The following PPFIA2 variants were observed in gnomAD, a reference collection of about 807,000 sequenced individuals.
PPFIA2 encodes the protein liprin-alpha-2.
PPFIA2 carries 46 observed loss-of-function variants against 175.5 expected under a neutral mutation model. The ratio of observed to expected loss-of-function variants is 0.26; its 90% CI spans 0.21 to 0.34. The LOEUF is 0.34. PPFIA2 is among the 10% of genes least tolerant of loss of function. The pLI, the probability that PPFIA2 is intolerant of heterozygous loss-of-function variation, is 1.00. For synonymous variants in PPFIA2, 568 were observed against 511.4 expected (o/e 1.11, Z -1.49); for missense variants, 1,179 against 1,506.1 (o/e 0.78, Z 3.60).
At chr12:81,491,623 G>A (rs2059428847) in intron 4 of PPFIA2, among the ~76,000 whole-genome samples, 1 of 151,822 alleles carries the variant, frequency 6.6e-6, no homozygotes, top group Non-Finnish European at 1.5e-5. Context: ...TGTGCCACGT[G>A]AGGATACAAT....
At chr12:81,444,105 C>T (rs1404822796) in intron 6 of PPFIA2, among the ~76,000 whole-genome samples, 3 of 151,846 alleles carry the variant, frequency 2.0e-5, no homozygotes, top group Non-Finnish European at 2.9e-5. Context: ...CCGCCCGCCT[C>T]GGCCTCCCAA....
At chr12:81,500,653 CA>C (rs1476396604) in intron 4 of PPFIA2, among the ~76,000 whole-genome samples, 3 of 152,122 alleles carry the variant, frequency 2.0e-5, no homozygotes, top group African/African-American at 7.2e-5. Flanking sequence ...TAAATTAATA[CA>C]ATCAGATTTT....
At chr12:81,741,559 T>C (rs2082326007) in intron 3 of PPFIA2, among the ~76,000 whole-genome samples, 1 of 152,082 alleles carries the variant, frequency 6.6e-6, no homozygotes, top group African/African-American at 2.4e-5. Flanking sequence ...AGGCCACAAG[T>C]GGCTCAGGAT....
intron 21 of PPFIA2, among the ~76,000 whole-genome samples, chr12:81,330,734 G>C (rs899848564): frequency 1.1e-4 from 17 of 152,184 alleles, no homozygotes; most frequent in Admixed American, 3.3e-4. Flanking sequence ...ATCTGCTGAT[G>C]ATTGGTGGCT....
chr12:81,471,819 CT>C (rs1372689189), intron 4 of PPFIA2, among the ~76,000 whole-genome samples: 16 of 152,136 alleles, frequency 1.1e-4, no homozygotes, highest in Non-Finnish European at 1.5e-4. Flanking sequence ...TTTTCTTTTG[CT>C]TTTCATTTTT....
At chr12:81,647,954 C>T (rs1255845494) in intron 4 of PPFIA2, among the ~76,000 whole-genome samples, 3 of 145,598 alleles carry the variant, frequency 2.1e-5, no homozygotes, top group Non-Finnish European at 4.5e-5. Flanking sequence ...GGCTTCTTGT[C>T]AGAAGCATTG....
intron 4 of PPFIA2, among the ~76,000 whole-genome samples, chr12:81,616,053 GA>G (rs1200836694): frequency 6.6e-6 from 1 of 152,146 alleles, no homozygotes; most frequent in Non-Finnish European, 1.5e-5. Context: ...GTGGTGATGG[GA>G]GTCTGTGCAC....
At chr12:81,526,313 G>A (rs945376566) in intron 4 of PPFIA2, among the ~76,000 whole-genome samples, 2 of 152,172 alleles carry the variant, frequency 1.3e-5, no homozygotes, top group Admixed American at 1.3e-4. Flanking sequence ...GATTGCTAAT[G>A]CAGGCCAATT....
intron 23 of PPFIA2, among the ~76,000 whole-genome samples, chr12:81,295,942 A>G (rs892694024): frequency 2.0e-5 from 3 of 152,048 alleles, no homozygotes; most frequent in African/African-American, 7.2e-5. Flanking sequence ...GTGAGCTGAG[A>G]TCAGGCCTTT....
intron 27 of PPFIA2, 91 bp from the exon 28 acceptor site, chr12:81,277,505 C>T (rs2040835535): frequency 8.0e-7 from 1 of 1,249,354 alleles, no homozygotes. Flanking sequence ...ACACTATGCA[C>T]TGCTTCTTAG....
At chr12:81,494,364 C>T (rs1427734933) in intron 4 of PPFIA2, among the ~76,000 whole-genome samples, 1 of 152,102 alleles carries the variant, frequency 6.6e-6, no homozygotes, top group Non-Finnish European at 1.5e-5. Context: ...CACTGGCCAT[C>T]AGAGAAATGC....
chr12:81,410,467 T>C (rs984298662), intron 7 of PPFIA2, among the ~76,000 whole-genome samples: 1 of 152,068 alleles, frequency 6.6e-6, no homozygotes, highest in African/African-American at 2.4e-5. Context: ...CTGGACAGAT[T>C]CATATGGAGG....
intron 4 of PPFIA2, among the ~76,000 whole-genome samples, chr12:81,481,540 A>G (rs2058227426): frequency 6.6e-6 from 1 of 152,198 alleles, no homozygotes; most frequent in Non-Finnish European, 1.5e-5. Flanking sequence ...GTACCAAAAA[A>G]AATACATAGA....
chr12:81,344,563 T>A, intron 19 of PPFIA2, 101 bp downstream of exon 19: 2 of 812,858 alleles, frequency 2.5e-6, no homozygotes, highest in Non-Finnish European at 3.8e-6. Context: ...CTCAACTTTT[T>A]AATGTTTTAT....
intron 7 of PPFIA2, among the ~76,000 whole-genome samples, chr12:81,415,209 AAATATATATATATATATATATATATATAT>A (rs2044914506): frequency 5.7e-5 from 2 of 35,304 alleles, no homozygotes; most frequent in Admixed American, 3.7e-4. Context: ...AAAAAAAAAA[AAATATATATATATATATATATATATATAT>A]ATATATATAT....
At chr12:81,749,178 T>C (rs1237091591) in intron 3 of PPFIA2, among the ~76,000 whole-genome samples, 1 of 144,364 alleles carries the variant, frequency 6.9e-6, no homozygotes, top group Non-Finnish European at 1.6e-5. Context: ...TCTTTACCAA[T>C]CGTTTCTCAA....
chr12:81,383,361 A>G (rs1470823366), intron 9 of PPFIA2, among the ~76,000 whole-genome samples: 1 of 152,176 alleles, frequency 6.6e-6, no homozygotes, highest in Non-Finnish European at 1.5e-5. Context: ...AAGGTGAAAA[A>G]GTGAAAAGAT....
At chr12:81,521,177 T>C (rs542195348) in intron 4 of PPFIA2, among the ~76,000 whole-genome samples, 17 of 152,086 alleles carry the variant, frequency 1.1e-4, no homozygotes, top group African/African-American at 4.1e-4. Flanking sequence ...CATTCTTGAC[T>C]GTTTCTAGAA....
At chr12:81,387,654 G>T (rs573245950) in intron 8 of PPFIA2, among the ~76,000 whole-genome samples, 105 of 152,206 alleles carry the variant, frequency 6.9e-4, no homozygotes, top group Non-Finnish European at 1.2e-3. Context: ...TGGTGGTCTA[G>T]TTACTTGTAG....
Sources: gnomAD v4.1 joint callset for allele counts (sites outside exome capture counted in the v4.1 genomes callset) on GRCh38, gnomAD v4.1.1 for gene constraint, MANE v1.5 for transcripts, NCBI Gene and HGNC (gene_info 2026-07-23, HGNC 2026-07-21) for gene names.